MICAL2: variants seen among roughly 807,000 people sequenced by gnomAD.
The protein encoded by MICAL2 is [F-actin]-monooxygenase MICAL2.
In MICAL2, 77 loss-of-function variants were observed where a neutral mutation model predicts 127.3. That is an observed-to-expected ratio of 0.60 (90% CI 0.50 to 0.73). The LOEUF is 0.73. Ranked by LOEUF, MICAL2 falls within the 30% of genes least tolerant of loss-of-function variation. The probability of loss-of-function intolerance (pLI) is 0.00; values close to 1 mark genes in which losing one functional copy is unlikely to be tolerated. For synonymous variants in MICAL2, 570 were observed against 551.1 expected (o/e 1.03, Z -0.48); for missense variants, 1,351 against 1,434.4 (o/e 0.94, Z 0.94).
chr11:12,245,690 G>C (rs1341513819), intron 21 of MICAL2, among the ~76,000 whole-genome samples: 1 of 152,252 alleles, frequency 6.6e-6, no homozygotes, highest in African/African-American at 2.4e-5. Context: ...CTCCTGACCT[G>C]TCTGGGCCTC....
intron 29 of MICAL2, among the ~76,000 whole-genome samples, chr11:12,319,380 T>G (rs1011247120): frequency 3.9e-5 from 6 of 152,182 alleles, no homozygotes; most frequent in African/African-American, 1.4e-4. Flanking sequence ...GAATGCATTC[T>G]GAGCAACACA....
intron 1 of MICAL2, among the ~76,000 whole-genome samples, chr11:12,136,323 T>C (rs1851832047): frequency 6.6e-6 from 1 of 152,120 alleles, no homozygotes; most frequent in Non-Finnish European, 1.5e-5. Context: ...GCTGCTGTGG[T>C]CTCTGCTAAT....
intron 3 of MICAL2, among the ~76,000 whole-genome samples, chr11:12,169,762 A>C (rs1027053365): frequency 6.6e-6 from 1 of 152,116 alleles, no homozygotes; most frequent in African/African-American, 2.4e-5. Context: ...CCTTAACCAC[A>C]CTTGTTTGTA....
chr11:12,266,888 C>T (rs1863614768), downstream of MICAL2, among the ~76,000 whole-genome samples: 2 of 152,240 alleles, frequency 1.3e-5, no homozygotes, highest in Admixed American at 6.5e-5. Context: ...CTCAGGACAG[C>T]AAGATCTCTT....
chr11:12,202,523 T>C (rs1182917109), intron 3 of MICAL2, among the ~76,000 whole-genome samples: 5 of 152,216 alleles, frequency 3.3e-5, no homozygotes, highest in African/African-American at 1.2e-4. Flanking sequence ...CCACAGTAAG[T>C]GTTCAACAAA....
At chr11:12,118,398 C>T (rs114560010) in intron 1 of MICAL2, among the ~76,000 whole-genome samples, 187 of 152,354 alleles carry the variant, frequency 1.2e-3, no homozygotes, top group African/African-American at 4.2e-3. Context: ...TCCTTCCAGA[C>T]ATAGTCTAGG....
chr11:12,292,159 C>A, downstream of MICAL2: 2 of 1,613,834 alleles, frequency 1.2e-6, no homozygotes, highest in East Asian at 2.2e-5. Flanking sequence ...CGCCAGTGAA[C>A]AAAAGAACTA....
chr11:12,353,141 C>T (rs1939078796), intron 33 of MICAL2, among the ~76,000 whole-genome samples: 2 of 152,120 alleles, frequency 1.3e-5, no homozygotes, highest in Non-Finnish European at 1.5e-5. Context: ...GTAAAAATAA[C>T]GCCAGTAACC....
At chr11:12,199,651 A>G (rs1288235590) in intron 3 of MICAL2, among the ~76,000 whole-genome samples, 1 of 152,158 alleles carries the variant, frequency 6.6e-6, no homozygotes, top group African/African-American at 2.4e-5. Context: ...TTGTGTTTGC[A>G]GGTTCCCCTG....
At chr11:12,187,818 C>T (rs1175767570) in intron 3 of MICAL2, among the ~76,000 whole-genome samples, 1 of 151,646 alleles carries the variant, frequency 6.6e-6, no homozygotes, top group Non-Finnish European at 1.5e-5. Context: ...CCAGGGCACC[C>T]TCCCTGGGCT....
intron 33 of MICAL2, among the ~76,000 whole-genome samples, chr11:12,351,553 TA>T (rs1939045430): frequency 6.6e-6 from 1 of 152,140 alleles, no homozygotes; most frequent in Non-Finnish European, 1.5e-5. Context: ...TGGCAAGGCT[TA>T]TTGAGAACAC....
chr11:12,241,325 G>A (rs914271021), intron 18 of MICAL2, among the ~76,000 whole-genome samples, 163 bp downstream of exon 18: 1 of 152,132 alleles, frequency 6.6e-6, no homozygotes, highest in Admixed American at 6.5e-5. Context: ...AACCAAGTAT[G>A]CAACATCACA....
chr11:12,161,767 C>T, intron 2 of MICAL2: 1 of 219,214 alleles, frequency 4.6e-6, no homozygotes, highest in South Asian at 8.7e-5. Flanking sequence ...ATTTGCAGAA[C>T]CACTTGGCTT....
At chr11:12,187,704 G>C (rs1026705573) in intron 3 of MICAL2, among the ~76,000 whole-genome samples, 9 of 152,190 alleles carry the variant, frequency 5.9e-5, no homozygotes, top group African/African-American at 2.2e-4. Context: ...GAGAGTGGAT[G>C]AGTTGTCCGT....
downstream of MICAL2, chr11:12,294,381 C>G: frequency 6.2e-7 from 1 of 1,614,200 alleles, no homozygotes; most frequent in Non-Finnish European, 8.5e-7. Context: ...CTTCGGAAAA[C>G]CAATTCCAAT....
intron 23 of MICAL2, 131 bp downstream of exon 23, chr11:12,255,881 G>A: frequency 1.5e-6 from 1 of 657,064 alleles, no homozygotes; most frequent in Admixed American, 2.7e-5. Flanking sequence ...AGGGGGCTGA[G>A]AATGAGCTGA....
At chr11:12,329,500 C>T (rs751485946) in intron 32 of MICAL2, among the ~76,000 whole-genome samples, 62 of 152,114 alleles carry the variant, frequency 4.1e-4, no homozygotes, top group Non-Finnish European at 6.6e-4. Flanking sequence ...GAGCTGTGGG[C>T]GCCAATAAGC....
intron 21 of MICAL2, among the ~76,000 whole-genome samples, chr11:12,247,321 G>A (rs993810686): frequency 3.9e-5 from 6 of 152,210 alleles, no homozygotes; most frequent in African/African-American, 7.2e-5. Flanking sequence ...TAGAACAATT[G>A]CCCCATTTTT....
intron 29 of MICAL2, among the ~76,000 whole-genome samples, chr11:12,298,549 T>C (rs1426005845): frequency 1.3e-5 from 2 of 152,198 alleles, no homozygotes; most frequent in Non-Finnish European, 2.9e-5. Context: ...GAGATAATTA[T>C]TTCCTTAATA....
Sources: gnomAD v4.1 joint callset for allele counts (sites outside exome capture counted in the v4.1 genomes callset) on GRCh38, gnomAD v4.1.1 for gene constraint, MANE v1.5 for transcripts, NCBI Gene and HGNC (gene_info 2026-07-23, HGNC 2026-07-21) for gene names.